Variants in DNAH2 observed in about 807,000 individuals in gnomAD.
DNAH2 encodes axonemal beta dynein heavy chain 2.
In DNAH2, 323 loss-of-function variants were observed where a neutral mutation model predicts 523.5. That is an observed-to-expected ratio of 0.62 (90% CI 0.56 to 0.68). The LOEUF (loss-of-function observed/expected upper bound fraction) is 0.68. DNAH2 is among the 30% of genes least tolerant of loss of function. The probability of loss-of-function intolerance (pLI) is 0.00; values close to 1 mark genes in which losing one functional copy is unlikely to be tolerated. For synonymous variants in DNAH2, 2,093 were observed against 2,177.4 expected (o/e 0.96, Z 1.08); for missense variants, 4,907 against 5,701.5 (o/e 0.86, Z 4.49).
In DNAH2 at chr17:7,819,481, G is replaced by A. The variant is rs553491313; in HGVS notation, c.11015+73G>A. On this transcript the variant is annotated intron_variant, in intron 72 of 85. Coordinates refer to ENST00000572933, the MANE Select transcript of DNAH2 (RefSeq NM_020877.5). Reference sequence around the variant, plus strand: ...TGGTTCTTCTGGCCACTGCACCTTCGTGCTTTCCCGCACCGCGGCTCTCAG... The same window carrying A: ...TGGTTCTTCTGGCCACTGCACCTTCATGCTTTCCCGCACCGCGGCTCTCAG... 3.2e-5 allele frequency: 49 copies of A among 1,547,246 alleles called. No homozygotes were observed. The South Asian group carries it at 4.8e-4, about 15-fold the overall frequency.
chr17:7,753,695 C>T (rs1444208185), intron 12 of DNAH2, among the ~76,000 whole-genome samples: 1 of 152,136 alleles, frequency 6.6e-6, no homozygotes, highest in Non-Finnish European at 1.5e-5. Context: ...CGCCTGTAAC[C>T]CCAGCCCTTT....
At position 7,733,752 on chromosome 17, in the gene DNAH2, C is replaced by T. The variant is rs572771256; in HGVS notation, c.629-431C>T. On this transcript the variant is annotated intron_variant, in intron 5 of 85. Coordinates refer to ENST00000572933, the MANE Select transcript of DNAH2 (RefSeq NM_020877.5). ...TTGGCCGCCCAAAGTGCTGGGATTA[C>T]AGGTGTGAGCCACCACACCCTGCCA... Among the ~76,000 whole-genome samples the T allele has an allele frequency of 4.7e-4, 72 of 152,244 alleles. 1 individual carries two copies. In the South Asian group the frequency reaches 0.013, roughly 27 times the overall value.
intron 12 of DNAH2, among the ~76,000 whole-genome samples, chr17:7,752,160 TACACACAC>T (rs1555544463): frequency 3.2e-5 from 4 of 124,952 alleles, no homozygotes; most frequent in Non-Finnish European, 6.5e-5. Context: ...TAAGTCATTT[TACACACAC>T]ACACACACAC....
chr17:7,724,308 A>G (rs1412636009), intron 3 of DNAH2, among the ~76,000 whole-genome samples: 1 of 152,134 alleles, frequency 6.6e-6, no homozygotes, highest in Non-Finnish European at 1.5e-5. Context: ...TTACTGCCCA[A>G]ACACATTTAA....
intron 28 of DNAH2, among the ~76,000 whole-genome samples, chr17:7,772,365 GACA>G (rs1296223208): frequency 2.0e-5 from 3 of 152,176 alleles, no homozygotes; most frequent in African/African-American, 7.2e-5. Context: ...AAAGTTGAAT[GACA>G]ACAACTGATA....
intron 67 of DNAH2, 40 bp downstream of exon 67, chr17:7,817,896 A>G (rs930954163): frequency 4.3e-6 from 7 of 1,613,384 alleles, no homozygotes; most frequent in Non-Finnish European, 5.1e-6. Flanking sequence ...CCCCTTCCTG[A>G]GGCCCCACCT....
Position 7,754,692 on chromosome 17 carries a change from A to G in DNAH2, c.1905-2399A>G. 1 of 1,237,518 alleles carries G rather than the reference A, an allele frequency of 8.1e-7. No homozygotes were observed. The highest frequency in any genetic ancestry group is 2.7e-4 in the Middle Eastern group (1 of 3,748). 76.7% of individuals were successfully genotyped at this position (1,237,518 alleles called of 1,614,324 possible). On this transcript the variant is annotated intron_variant, in intron 12 of 85. Transcript: ENST00000572933. The surrounding 1 kb of genome is among the most constrained non-coding windows in gnomAD (Gnocchi z 4.6). ...TCGACTTGCCTACATTGCCCACCCC[A>G]ACCTTGGGAAGCTTGCTCGTGCCCG... is the stretch of plus-strand genomic sequence containing the variant.
chr17:7,751,946 T>TGC (rs2075695670), intron 12 of DNAH2, among the ~76,000 whole-genome samples: 1 of 150,012 alleles, frequency 6.7e-6, no homozygotes, highest in African/African-American at 2.4e-5. Context: ...TGTGTGTGTG[T>TGC]GCGTGTTTTG....
At chr17:7,775,144 G>T (rs2076414062) in intron 29 of DNAH2, 97 bp from the exon 30 acceptor site, 3 of 1,252,436 alleles carry the variant, frequency 2.4e-6, no homozygotes, top group Non-Finnish European at 2.3e-6. Context: ...TGAGAGGAGG[G>T]GAGAGGAGCA....
chr17:7,815,105 G>A (rs544817833), intron 63 of DNAH2, among the ~76,000 whole-genome samples: 18 of 152,322 alleles, frequency 1.2e-4, no homozygotes, highest in Admixed American at 6.5e-4. Context: ...GTGAGCCACC[G>A]CACCTGGCCC....
intron 17 of DNAH2, 58 bp downstream of exon 17, chr17:7,759,996 C>A (rs1273347456): frequency 6.2e-7 from 1 of 1,611,406 alleles, no homozygotes; most frequent in African/African-American, 1.3e-5. Flanking sequence ...TCGAGTGGGC[C>A]AGGCCAGGAG....
rs773414608 is a variant in DNAH2, at chr17:7,796,661, C to A, written c.7863+9C>A. Reference sequence around the variant, plus strand: ...TTCGAGACATCTCCAAGGTGACTCGCGGCCTGACCTTGCCCCTTCTGCTTG... The same window carrying A: ...TTCGAGACATCTCCAAGGTGACTCGAGGCCTGACCTTGCCCCTTCTGCTTG... On this transcript the variant is annotated intron_variant, in intron 50 of 85. Coordinates refer to ENST00000572933, the MANE Select transcript of DNAH2 (RefSeq NM_020877.5). 5.0e-6 allele frequency: 8 copies of A among 1,607,224 alleles called. No individual in the cohort carries two copies. The highest frequency in any genetic ancestry group is 6.8e-6 in the Non-Finnish European group (8 of 1,177,008).
At position 7,796,648 on chromosome 17, in the gene DNAH2, C is replaced by G. The variant is rs2077071136; in HGVS notation, c.7859C>G (p.Ser2620Cys). The G allele has an allele frequency of 6.2e-7, 1 of 1,610,594 alleles. No individual in the cohort carries two copies. The highest frequency in any genetic ancestry group is 1.3e-5 in the African/African-American group (1 of 74,446). The change falls in exon 50 of 86, where the codon TCC becomes TGC. Residue 2620 changes from serine (S) to cysteine (C), a missense_variant. Coordinates refer to ENST00000572933, the MANE Select transcript of DNAH2 (RefSeq NM_020877.5). ...MHYLFNLRDI[S>C]KVFQGMLRAN... ...TACCTCTTCAACCTTCGAGACATCT[C>G]CAAGGTGACTCGCGGCCTGACCTTG...
chr17:7,801,776 A>G, intron 57 of DNAH2, 66 bp downstream of exon 57: 1 of 1,608,410 alleles, frequency 6.2e-7, no homozygotes, highest in Admixed American at 1.7e-5. Context: ...CTCATCTCTC[A>G]TCGCACCCCC....
At position 7,759,622 on chromosome 17, in the gene DNAH2, T is replaced by G. The variant is rs755850627; in HGVS notation, c.2637+12T>G. The G allele has an allele frequency of 1.2e-4, 186 of 1,610,964 alleles. No individual in the cohort carries two copies. Among genetic ancestry groups the G allele is most frequent in the Non-Finnish European group, 1.5e-4 (180 of 1,178,292 alleles). ...GAAGTGTGGCACAGGTAAGAACCAC[T>G]TTGCCCCCAACATCTCAAAACCATT... On this transcript the variant is annotated intron_variant, in intron 16 of 85. Coordinates refer to ENST00000572933, the MANE Select transcript of DNAH2 (RefSeq NM_020877.5).
chr17:7,764,062 G>A, intron 19 of DNAH2, 31 bp downstream of exon 19: 3 of 1,614,180 alleles, frequency 1.9e-6, no homozygotes, highest in Non-Finnish European at 2.5e-6. Context: ...CAGGAAGGGG[G>A]CAGGGGCAGG....
intron 44 of DNAH2, among the ~76,000 whole-genome samples, chr17:7,790,457 A>C (rs1255388180): frequency 1.3e-5 from 2 of 152,030 alleles, no homozygotes; most frequent in Non-Finnish European, 2.9e-5. Context: ...CCTGGACTCA[A>C]GTGATCCTCC....
Position 7,830,777 on chromosome 17 carries a change from G to T in DNAH2, c.12165G>T (p.Arg4055=). The change falls in exon 79 of 86, where the codon CGG becomes CGT. Residue 4055 remains arginine (R), a synonymous_variant. Coordinates refer to ENST00000572933, the MANE Select transcript of DNAH2 (RefSeq NM_020877.5). The part of the protein sequence containing the change: ...YGGHVTDDWD[R]RLLTTYINDY... Reference sequence around the variant, plus strand: ...GACATGTCACAGATGACTGGGACCGGCGCCTGCTGACCACCTACATCAATG... The same window carrying T: ...GACATGTCACAGATGACTGGGACCGTCGCCTGCTGACCACCTACATCAATG... 1 of 1,614,130 alleles carries T rather than the reference G, an allele frequency of 6.2e-7. No individual in the cohort carries two copies. Among genetic ancestry groups the T allele is most frequent in the Non-Finnish European group, 8.5e-7 (1 of 1,180,040 alleles).
intron 70 of DNAH2, 40 bp from the exon 71 acceptor site, chr17:7,818,879 G>C (rs192556506): frequency 1.2e-6 from 2 of 1,607,060 alleles, no homozygotes; most frequent in South Asian, 2.2e-5. Context: ...GCCTGGTCCC[G>C]CTAACCCCTT....
Sources: gnomAD v4.1 joint callset for allele counts (sites outside exome capture counted in the v4.1 genomes callset) on GRCh38, gnomAD v4.1.1 for gene constraint, Gnocchi (gnomAD v3.1) non-coding constraint, MANE v1.5 for transcripts, NCBI Gene and HGNC (gene_info 2026-07-23, HGNC 2026-07-21) for gene names.